Variants in RAP1GDS1 observed in about 807,000 individuals in gnomAD.
RAP1GDS1 encodes the protein RAP1, GTP-GDP dissociation stimulator 1.
RAP1GDS1 carries 35 observed loss-of-function variants against 71.1 expected under a neutral mutation model. The ratio of observed to expected loss-of-function variants is 0.49; its 90% CI spans 0.38 to 0.65. The LOEUF is 0.65. RAP1GDS1 is among the 30% of genes least tolerant of loss of function. The pLI, the probability that RAP1GDS1 is intolerant of heterozygous loss-of-function variation, is 0.00. For synonymous variants in RAP1GDS1, 229 were observed against 243.1 expected (o/e 0.94, Z 0.54); for missense variants, 663 against 706.1 (o/e 0.94, Z 0.69).
intron 6 of RAP1GDS1, among the ~76,000 whole-genome samples, chr4:98,403,290 A>G (rs1216495442): frequency 1.3e-5 from 2 of 152,164 alleles, no homozygotes; most frequent in African/African-American, 4.8e-5. Context: ...AATTAATAGG[A>G]TACTTAATGC....
At chr4:98,349,248 G>C (rs13150741) in intron 3 of RAP1GDS1, among the ~76,000 whole-genome samples, 51 of 152,168 alleles carry the variant, frequency 3.4e-4, no homozygotes, top group Middle Eastern at 3.4e-3. Context: ...TCTTGTTTTT[G>C]TCAGGTTTGT....
At chr4:98,417,544 G>A (rs1748203895) in intron 9 of RAP1GDS1, 46 bp downstream of exon 9, 1 of 1,577,228 alleles carries the variant, frequency 6.3e-7, no homozygotes, top group Non-Finnish European at 8.7e-7. Context: ...CTCTATATTT[G>A]TTTATTTTTG....
At chr4:98,398,858 C>G (rs532916228) in intron 6 of RAP1GDS1, among the ~76,000 whole-genome samples, 1 of 152,208 alleles carries the variant, frequency 6.6e-6, no homozygotes, top group African/African-American at 2.4e-5. Context: ...TAGGAATAAA[C>G]TTAACCAAGG....
intron 4 of RAP1GDS1, among the ~76,000 whole-genome samples, chr4:98,375,501 T>C (rs914222404): frequency 1.3e-5 from 2 of 152,154 alleles, no homozygotes; most frequent in Non-Finnish European, 2.9e-5. Flanking sequence ...CTCATATCAG[T>C]AACATTATCT....
At position 98,417,408 on chromosome 4, in the gene RAP1GDS1, G is replaced by A. The variant is rs1748188898; in HGVS notation, c.949G>A (p.Val317Ile). ...QKLFEGGKGS[V>I]FQRVLSWIPS... ...GTTATTTGAAGGAGGAAAAGGTAGT[G>A]TATTTCAAAGGGTACTCTCTTGGAT... The change falls in exon 9 of 15, where the codon GTA (valine) becomes ATA (isoleucine). Residue 317 changes from valine (V) to isoleucine (I), a missense_variant. Coordinates refer to ENST00000408927, the MANE Select transcript of RAP1GDS1 (RefSeq NM_001100427.2). 1.9e-6 allele frequency: 3 copies of A among 1,612,924 alleles called. No homozygotes were observed. The highest frequency in any genetic ancestry group is 2.5e-6 in the Non-Finnish European group (3 of 1,179,004).
intron 2 of RAP1GDS1, among the ~76,000 whole-genome samples, chr4:98,338,210 A>G (rs1734975194): frequency 6.6e-6 from 1 of 152,226 alleles, no homozygotes; most frequent in South Asian, 2.1e-4. Context: ...AGAAAATTTT[A>G]TAATTATTCT....
At chr4:98,351,257 G>A (rs1367704930) in intron 3 of RAP1GDS1, among the ~76,000 whole-genome samples, 1 of 152,158 alleles carries the variant, frequency 6.6e-6, no homozygotes, top group East Asian at 1.9e-4. Flanking sequence ...TTACATTACA[G>A]GGGATTTTTA....
At chr4:98,314,236 C>T (rs1028960806) in intron 2 of RAP1GDS1, among the ~76,000 whole-genome samples, 5 of 152,096 alleles carry the variant, frequency 3.3e-5, no homozygotes, top group Non-Finnish European at 5.9e-5. Flanking sequence ...CATACATTTG[C>T]TTATGAAAAA....
chr4:98,262,376 C>T (rs1244009713), intron 1 of RAP1GDS1, among the ~76,000 whole-genome samples: 1 of 152,130 alleles, frequency 6.6e-6, no homozygotes, highest in African/African-American at 2.4e-5. Context: ...ATTTTAGTTC[C>T]TTTGTATTTA....
At chr4:98,274,619 A>T (rs1372305379) in intron 1 of RAP1GDS1, among the ~76,000 whole-genome samples, 2 of 152,190 alleles carry the variant, frequency 1.3e-5, no homozygotes, top group Non-Finnish European at 2.9e-5. Context: ...AACGGATTCC[A>T]CTTCAGGTTA....
At chr4:98,291,491 A>G (rs1387972714) in intron 1 of RAP1GDS1, among the ~76,000 whole-genome samples, 1 of 152,170 alleles carries the variant, frequency 6.6e-6, no homozygotes, top group Non-Finnish European at 1.5e-5. Flanking sequence ...AGGATTTACT[A>G]CTGAAATTTA....
intron 2 of RAP1GDS1, among the ~76,000 whole-genome samples, chr4:98,325,831 G>A (rs1261614547): frequency 6.7e-6 from 1 of 149,906 alleles, no homozygotes; most frequent in Non-Finnish European, 1.5e-5. Context: ...TAGATGACGA[G>A]TTAGTGGGTG....
chr4:98,322,964 A>T (rs1334144230), intron 2 of RAP1GDS1, among the ~76,000 whole-genome samples: 1 of 147,856 alleles, frequency 6.8e-6, no homozygotes, highest in South Asian at 2.2e-4. Flanking sequence ...AACCCTTCAA[A>T]AAGTCAATGA....
At chr4:98,272,231 C>T (rs1723565378) in intron 1 of RAP1GDS1, among the ~76,000 whole-genome samples, 1 of 152,186 alleles carries the variant, frequency 6.6e-6, no homozygotes, top group South Asian at 2.1e-4. Flanking sequence ...TTACTAGGCG[C>T]AAACACATCT....
At chr4:98,340,247 C>T (rs1236546774) in intron 2 of RAP1GDS1, among the ~76,000 whole-genome samples, 1 of 152,070 alleles carries the variant, frequency 6.6e-6, no homozygotes, top group Non-Finnish European at 1.5e-5. Context: ...TTCACAGTAA[C>T]AAAGACATGG....
Position 98,293,303 on chromosome 4 carries a change from T to A in RAP1GDS1, c.5-105T>A, listed in dbSNP as rs1307262398. On this transcript the variant is annotated intron_variant, in intron 1 of 14. Coordinates refer to ENST00000408927, the MANE Select transcript of RAP1GDS1 (RefSeq NM_001100427.2). ...GGAATGTACGTGGAGGTTAATTTGC[T>A]ATTATAGGAAGCTCTCCAGTTTAGT... 11 of 708,466 alleles carry A rather than the reference T, an allele frequency of 1.6e-5. No homozygotes were observed. In the East Asian group the frequency reaches 2.2e-4, roughly 14 times the overall value. 43.9% of individuals were successfully genotyped at this position (708,466 alleles called of 1,614,324 possible).
intron 2 of RAP1GDS1, among the ~76,000 whole-genome samples, chr4:98,333,094 C>A (rs1312293584): frequency 6.6e-6 from 1 of 152,038 alleles, no homozygotes; most frequent in Non-Finnish European, 1.5e-5. Flanking sequence ...ACCTTTCTTA[C>A]CAAAAATACA....
intron 2 of RAP1GDS1, among the ~76,000 whole-genome samples, chr4:98,312,385 C>T (rs1336243386): frequency 6.6e-6 from 1 of 152,134 alleles, no homozygotes; most frequent in African/African-American, 2.4e-5. Context: ...CTGTCAGCTG[C>T]TGCTCATTGG....
chr4:98,374,047 T>A (rs951598702), intron 4 of RAP1GDS1, among the ~76,000 whole-genome samples: 2 of 152,176 alleles, frequency 1.3e-5, no homozygotes, highest in African/African-American at 4.8e-5. Context: ...CTGGAATTTT[T>A]TTTATTATTT....
Sources: allele counts gnomAD v4.1 joint callset (sites outside exome capture counted in the v4.1 genomes callset), GRCh38; gene constraint gnomAD v4.1.1; transcripts MANE v1.5; gene names NCBI Gene and HGNC (gene_info 2026-07-23, HGNC 2026-07-21).